CNTNAP2: variants seen among roughly 807,000 people sequenced by gnomAD.
The protein encoded by CNTNAP2 is contactin-associated protein-like 2.
A neutral mutation model predicts 155.2 loss-of-function variants in CNTNAP2; 98 were observed. The observed-to-expected ratio is 0.63, with a 90% confidence interval of 0.54 to 0.75. The LOEUF (loss-of-function observed/expected upper bound fraction) is 0.75, where lower values mean the gene tolerates loss of function less well. CNTNAP2 is among the 30% of genes least tolerant of loss of function. The pLI, the probability that CNTNAP2 is intolerant of heterozygous loss-of-function variation, is 0.00. For synonymous variants in CNTNAP2, 651 were observed against 631.2 expected (o/e 1.03, Z -0.47); for missense variants, 1,727 against 1,688.1 (o/e 1.02, Z -0.40).
intron 10 of CNTNAP2, among the ~76,000 whole-genome samples, chr7:147,415,759 A>G (rs976651534): frequency 1.3e-5 from 2 of 152,318 alleles, no homozygotes; most frequent in Non-Finnish European, 2.9e-5. Flanking sequence ...ATAACAAGGG[A>G]GCATAACCAT....
chr7:146,166,475 A>G (rs1798314459), intron 1 of CNTNAP2, among the ~76,000 whole-genome samples: 1 of 152,130 alleles, frequency 6.6e-6, no homozygotes, highest in Admixed American at 6.6e-5. Flanking sequence ...TGAAATTGGA[A>G]TTTGTTTTCT....
chr7:146,847,279 GCTT>G lies in CNTNAP2; in HGVS notation c.402+7379_402+7381del, dbSNP rs1311212333. On this transcript the variant is annotated intron_variant, in intron 3 of 23. Coordinates refer to ENST00000361727, the MANE Select transcript of CNTNAP2 (RefSeq NM_014141.6). ...GGAAATTTAGGGCACAGTAAATCAT[GCTT>G]CTTATGTGCCTGGAGACGCCTGAGA... 7.9e-5 allele frequency among the ~76,000 whole-genome samples: 12 copies of G among 152,250 alleles called. No individual in the cohort carries two copies. In the East Asian group the frequency reaches 2.1e-3, roughly 27 times the overall value.
intron 18 of CNTNAP2, among the ~76,000 whole-genome samples, chr7:148,216,917 C>G (rs1361891584): frequency 6.6e-6 from 1 of 152,112 alleles, no homozygotes; most frequent in Non-Finnish European, 1.5e-5. Context: ...TGCACATGTG[C>G]TCTCTCTTGC....
intron 3 of CNTNAP2, among the ~76,000 whole-genome samples, chr7:146,865,902 C>T (rs1174552975): frequency 2.6e-5 from 4 of 152,070 alleles, no homozygotes; most frequent in Admixed American, 2.6e-4. Context: ...ACACAATGAC[C>T]CGTTTTCCTT....
chr7:146,500,639 G>A (rs1466975804), intron 1 of CNTNAP2, among the ~76,000 whole-genome samples: 1 of 152,140 alleles, frequency 6.6e-6, no homozygotes, highest in Non-Finnish European at 1.5e-5. Flanking sequence ...ATCCAAAGAC[G>A]TGTCTGTGAG....
intron 21 of CNTNAP2, among the ~76,000 whole-genome samples, chr7:148,301,386 C>A (rs1164099036): frequency 6.8e-6 from 1 of 145,994 alleles, no homozygotes; most frequent in Non-Finnish European, 1.5e-5. Context: ...AGACTATGGG[C>A]AAGCCATTTC....
At chr7:147,676,758 A>G (rs1795875540) in intron 13 of CNTNAP2, among the ~76,000 whole-genome samples, 1 of 151,908 alleles carries the variant, frequency 6.6e-6, no homozygotes, top group Non-Finnish European at 1.5e-5. Context: ...ATCATGCAAT[A>G]TTTGTCTTTG....
At chr7:147,471,889 C>T (rs1173101957) in intron 10 of CNTNAP2, among the ~76,000 whole-genome samples, 2 of 151,912 alleles carry the variant, frequency 1.3e-5, no homozygotes, top group South Asian at 2.1e-4. Flanking sequence ...TGGTGACTAC[C>T]TCAGATTGGG....
intron 1 of CNTNAP2, among the ~76,000 whole-genome samples, chr7:146,661,932 A>T (rs1800096897): frequency 6.6e-6 from 1 of 152,120 alleles, no homozygotes; most frequent in African/African-American, 2.4e-5. Flanking sequence ...AAAATATAAA[A>T]GTTTTAGCTG....
chr7:147,367,850 G>A (rs1403768039), intron 9 of CNTNAP2, among the ~76,000 whole-genome samples: 1 of 151,752 alleles, frequency 6.6e-6, no homozygotes, highest in Non-Finnish European at 1.5e-5. Context: ...TTTGGTTAAT[G>A]CCATGGACCA....
At chr7:147,402,285 T>A (rs1796930215) in intron 10 of CNTNAP2, among the ~76,000 whole-genome samples, 1 of 152,170 alleles carries the variant, frequency 6.6e-6, no homozygotes, top group Non-Finnish European at 1.5e-5. Flanking sequence ...GGGTGGGATC[T>A]GTCCCACCTG....
intron 3 of CNTNAP2, among the ~76,000 whole-genome samples, chr7:147,022,020 A>G (rs1232781967): frequency 6.6e-6 from 1 of 151,774 alleles, no homozygotes; most frequent in African/African-American, 2.4e-5. Flanking sequence ...AGTTTTTCTT[A>G]TTTTTATATA....
chr7:146,442,711 G>A (rs911932352), intron 1 of CNTNAP2, among the ~76,000 whole-genome samples: 2 of 152,028 alleles, frequency 1.3e-5, no homozygotes, highest in Non-Finnish European at 1.5e-5. Flanking sequence ...TTGTGGTATC[G>A]TACTAGCCCT....
At chr7:147,262,712 A>G (rs1013274659) in intron 8 of CNTNAP2, among the ~76,000 whole-genome samples, 5 of 152,182 alleles carry the variant, frequency 3.3e-5, no homozygotes, top group African/African-American at 4.8e-5. Context: ...AGGCTGAGGC[A>G]GGAGAATGGC....
intron 4 of CNTNAP2, among the ~76,000 whole-genome samples, chr7:147,080,688 CTATA>C (rs1800105619): frequency 1.4e-5 from 2 of 147,376 alleles, no homozygotes; most frequent in Admixed American, 6.8e-5. Flanking sequence ...ACATATATAT[CTATA>C]TATAAAATAA....
intron 12 of CNTNAP2, among the ~76,000 whole-genome samples, chr7:147,588,638 T>A (rs1584834962): frequency 6.6e-6 from 1 of 152,206 alleles, no homozygotes; most frequent in South Asian, 2.1e-4. Flanking sequence ...AGATGTGCCA[T>A]TATGTTCTTT....
At chr7:148,011,138 T>A (rs1413276984) in intron 15 of CNTNAP2, among the ~76,000 whole-genome samples, 1 of 152,188 alleles carries the variant, frequency 6.6e-6, no homozygotes, top group African/African-American at 2.4e-5. Context: ...CTTCTGTTTT[T>A]TGAAATTATA....
intron 10 of CNTNAP2, among the ~76,000 whole-genome samples, chr7:147,470,301 G>T (rs10224417): frequency 6.8e-6 from 1 of 146,298 alleles, no homozygotes; most frequent in African/African-American, 2.5e-5. Flanking sequence ...GGTAGCTATG[G>T]TAGTGTCTTG....
At chr7:146,982,812 A>G (rs1798044193) in intron 3 of CNTNAP2, among the ~76,000 whole-genome samples, 1 of 152,182 alleles carries the variant, frequency 6.6e-6, no homozygotes, top group Non-Finnish European at 1.5e-5. Flanking sequence ...AGACAGCTCT[A>G]CTTTTGCATT....
Sources: allele counts gnomAD v4.1 joint callset (sites outside exome capture counted in the v4.1 genomes callset), GRCh38; gene constraint gnomAD v4.1.1; transcripts MANE v1.5; gene names NCBI Gene and HGNC (gene_info 2026-07-23, HGNC 2026-07-21).